The following STARD3NL variants were observed in gnomAD, a reference collection of about 807,000 sequenced individuals.
STARD3NL encodes the protein STARD3 N-terminal like, also known as STARD3 N-terminal-like protein.
Under a neutral mutation model 30.9 loss-of-function variants are expected in STARD3NL, and 17 were observed. That is an observed-to-expected ratio of 0.55 (90% CI 0.38 to 0.82). The LOEUF (loss-of-function observed/expected upper bound fraction) is 0.82, where lower values mean the gene tolerates loss of function less well. Ranked by LOEUF, STARD3NL falls within the 40% of genes least tolerant of loss-of-function variation. The pLI, the probability that STARD3NL is intolerant of heterozygous loss-of-function variation, is 0.00. For missense variants in STARD3NL, 234 were observed against 277.6 expected, an observed-to-expected ratio of 0.84 and a Z score of 1.12; for synonymous variants, 112 against 100.5, an observed-to-expected ratio of 1.11 and a Z score of -0.69.
At chr7:38,197,350 C>A (rs547557954) in intron 1 of STARD3NL, among the ~76,000 whole-genome samples, 2 of 151,626 alleles carry the variant, frequency 1.3e-5, no homozygotes, top group Non-Finnish European at 2.9e-5. Context: ...CTCAGCCTCC[C>A]GAGTAGCTAA....
At chr7:38,206,746 C>T (rs1230221084) in intron 1 of STARD3NL, among the ~76,000 whole-genome samples, 3 of 152,054 alleles carry the variant, frequency 2.0e-5, no homozygotes, top group Non-Finnish European at 4.4e-5. Flanking sequence ...AGAAATTCCT[C>T]CTCAGGAAGT....
chr7:38,192,872 T>C (rs1219156887), intron 1 of STARD3NL, among the ~76,000 whole-genome samples: 1 of 121,818 alleles, frequency 8.2e-6, no homozygotes, highest in African/African-American at 2.8e-5. Context: ...CACACTCCTC[T>C]CCTGTTTGTT....
intron 7 of STARD3NL, among the ~76,000 whole-genome samples, chr7:38,220,512 G>A (rs949736840): frequency 5.9e-5 from 9 of 152,216 alleles, no homozygotes; most frequent in African/African-American, 2.2e-4. Flanking sequence ...AGAATATGGA[G>A]AAATTGGACC....
intron 1 of STARD3NL, among the ~76,000 whole-genome samples, chr7:38,179,431 T>C (rs982141816): frequency 3.9e-5 from 6 of 152,250 alleles, no homozygotes; most frequent in African/African-American, 1.4e-4. Flanking sequence ...CATTGGTCTT[T>C]TAAAACTGCA....
At chr7:38,201,431 G>C (rs1486896051) in intron 1 of STARD3NL, among the ~76,000 whole-genome samples, 2 of 152,066 alleles carry the variant, frequency 1.3e-5, no homozygotes, top group Non-Finnish European at 2.9e-5. Flanking sequence ...AAGTGGGTTT[G>C]TGGAAGGAAA....
chr7:38,189,119 A>ATGTG lies in STARD3NL; in HGVS notation c.-59+10717_-59+10720dup, dbSNP rs56335057. On this transcript the variant is annotated intron_variant, in intron 1 of 8. Transcript: ENST00000009041. ...ACCAAACTTTAACAGGCAGCCTTGGATGTGTGTGTGTGTGTGTGTGTCTGG... is the reference window on the plus strand; with the variant it reads ...ACCAAACTTTAACAGGCAGCCTTGGATGTGTGTGTGTGTGTGTGTGTGTGTCTGG... Among the ~76,000 whole-genome samples the ATGTG allele has an allele frequency of 7.2e-3, 1,078 of 150,482 alleles. 9 individuals are homozygous for ATGTG. Among genetic ancestry groups the ATGTG allele is most frequent in the African/African-American group, 0.022 (899 of 41,134 alleles).
chr7:38,207,026 T>G (rs1785524982), intron 1 of STARD3NL, among the ~76,000 whole-genome samples: 2 of 152,230 alleles, frequency 1.3e-5, no homozygotes, highest in African/African-American at 2.4e-5. Context: ...CACATTCTGC[T>G]TACATGCTCC....
chr7:38,187,147 C>CT (rs1368769961), intron 1 of STARD3NL, among the ~76,000 whole-genome samples: 5 of 152,190 alleles, frequency 3.3e-5, no homozygotes, highest in Admixed American at 3.3e-4. Context: ...TGACTCAGCC[C>CT]ATGCTAGTGA....
intron 1 of STARD3NL, among the ~76,000 whole-genome samples, chr7:38,197,136 T>TTTTCTTTCTTTCTTTCTTTCTCTTTC (rs1784939730): frequency 1.8e-5 from 2 of 112,276 alleles, no homozygotes; most frequent in African/African-American, 6.9e-5. Flanking sequence ...GCATTACCTT[T>TTTTCTTTCTTTCTTTCTTTCTCTTTC]TTTCTTTCTT....
chr7:38,227,416 A>G (rs1455883430), intron 7 of STARD3NL, among the ~76,000 whole-genome samples: 1 of 152,224 alleles, frequency 6.6e-6, no homozygotes, highest in Admixed American at 6.5e-5. Flanking sequence ...TCATTTTACT[A>G]CAAATTCAAC....
chr7:38,197,435 A>G (rs573950338), intron 1 of STARD3NL, among the ~76,000 whole-genome samples: 49 of 152,140 alleles, frequency 3.2e-4, no homozygotes, highest in African/African-American at 1.2e-3. Flanking sequence ...TGTGTTGCCC[A>G]GGCAGCTCTC....
intron 2 of STARD3NL, among the ~76,000 whole-genome samples, chr7:38,208,535 C>A (rs1052124914): frequency 5.3e-5 from 8 of 152,134 alleles, no homozygotes; most frequent in Non-Finnish European, 7.4e-5. Context: ...TATGTGTTTT[C>A]TTCCCAAAGC....
At chr7:38,224,955 C>T (rs77135253) in intron 7 of STARD3NL, among the ~76,000 whole-genome samples, 4,588 of 152,156 alleles carry the variant, frequency 0.03, 114 homozygotes, top group Non-Finnish European at 0.047. Context: ...TTTCAGGTAT[C>T]CAGGGATAAG....
At chr7:38,200,035 A>G (rs1298213501) in intron 1 of STARD3NL, among the ~76,000 whole-genome samples, 1 of 152,138 alleles carries the variant, frequency 6.6e-6, no homozygotes, top group Non-Finnish European at 1.5e-5. Flanking sequence ...TCCCACACAC[A>G]GTTTTTGTAT....
intron 7 of STARD3NL, among the ~76,000 whole-genome samples, chr7:38,228,333 C>T (rs1432140062): frequency 6.6e-6 from 1 of 152,186 alleles, no homozygotes; most frequent in Admixed American, 6.5e-5. Context: ...TCCTGAAGCT[C>T]ATGAGACATT....
At chr7:38,181,049 A>G (rs920973500) in intron 1 of STARD3NL, among the ~76,000 whole-genome samples, 4 of 152,226 alleles carry the variant, frequency 2.6e-5, no homozygotes, top group African/African-American at 9.6e-5. Context: ...GAGATGAGAC[A>G]TTGCTTCTTC....
At chr7:38,192,914 C>A (rs1179066042) in intron 1 of STARD3NL, among the ~76,000 whole-genome samples, 1 of 152,038 alleles carries the variant, frequency 6.6e-6, no homozygotes, top group Admixed American at 6.6e-5. Context: ...CTGTCAGTTT[C>A]CAATTTTCTT....
At chr7:38,205,663 G>A (rs1785422290) in intron 1 of STARD3NL, among the ~76,000 whole-genome samples, 1 of 151,992 alleles carries the variant, frequency 6.6e-6, no homozygotes, top group South Asian at 2.1e-4. Flanking sequence ...GTGTATACAT[G>A]TATATACTAT....
At position 38,181,623 on chromosome 7, in the gene STARD3NL, T is replaced by A. The variant is rs891792376; in HGVS notation, c.-59+3203T>A. Among the ~76,000 whole-genome samples the A allele has an allele frequency of 3.3e-5, 5 of 152,344 alleles. No individual in the cohort carries two copies. The South Asian group carries it at 1.0e-3, about 32-fold the overall frequency. On this transcript the variant is annotated intron_variant, in intron 1 of 8. Transcript: ENST00000009041. ...ATTTATCTTTTTCTTTAGAATAATT[T>A]TAATGGAATTAGTATCTTCTTTTTT...
Sources: gnomAD v4.1 joint callset for allele counts (sites outside exome capture counted in the v4.1 genomes callset) on GRCh38, gnomAD v4.1.1 for gene constraint, MANE v1.5 for transcripts, NCBI Gene and HGNC (gene_info 2026-07-23, HGNC 2026-07-21) for gene names.